PHF19: variants seen among roughly 807,000 people sequenced by gnomAD.
The protein encoded by PHF19 is PHD finger protein 19.
A neutral mutation model predicts 79.8 loss-of-function variants in PHF19; 21 were observed. The observed-to-expected ratio is 0.26, with a 90% CI of 0.19 to 0.38. The LOEUF (loss-of-function observed/expected upper bound fraction) is 0.38, where lower values mean the gene tolerates loss of function less well. Ranked by LOEUF, PHF19 falls within the 10% of genes least tolerant of loss-of-function variation. PHF19 has a pLI of 1.00. For missense variants in PHF19, 445 were observed against 744.2 expected (o/e 0.60, Z 4.68); for synonymous variants, 273 against 296.3 (o/e 0.92, Z 0.81).
chr9:120,886,700 G>A (rs1347133774), intron 1 of PHF19, among the ~76,000 whole-genome samples: 3 of 152,154 alleles, frequency 2.0e-5, no homozygotes, highest in African/African-American at 7.2e-5. Flanking sequence ...TCTGGCAGAG[G>A]CACCACTCTG....
At chr9:120,872,041 A>AAAAAAG (rs1223994552) in intron 3 of PHF19, among the ~76,000 whole-genome samples, 19 of 137,290 alleles carry the variant, frequency 1.4e-4, no homozygotes, top group African/African-American at 3.1e-4. Context: ...CTGTCTCAAA[A>AAAAAAG]AAAAAAAAAA....
intron 8 of PHF19, 97 bp from the exon 9 acceptor site, chr9:120,865,927 G>A (rs535804785): frequency 3.5e-5 from 55 of 1,592,894 alleles, no homozygotes; most frequent in Non-Finnish European, 4.7e-5. Context: ...CAGGGGCAGG[G>A]TTGGGACCCA....
At chr9:120,896,437 CTT>C (rs58824573), upstream of PHF19, among the ~76,000 whole-genome samples, 74,746 of 123,636 alleles carry the variant, frequency 0.6, 22,676 homozygotes, top group South Asian at 0.81. Context: ...TTGTATGGTT[CTT>C]TTTTTTTTTT....
Position 120,857,826 on chromosome 9 carries a change from G to T in PHF19, c.*118C>A. On this transcript the variant is annotated 3_prime_UTR_variant, in exon 15 of 15. Transcript: ENST00000373896. ...GCAGGCAGGCAGGGCATTCTGCCAG[G>T]CACTTGCAGCTCTGTCCTGCTTCCT... is the stretch of plus-strand genomic sequence containing the variant. 1 of 625,464 alleles carries T rather than the reference G, an allele frequency of 1.6e-6. No individual in the cohort carries two copies. Among genetic ancestry groups the T allele is most frequent in the Non-Finnish European group, 2.7e-6 (1 of 365,746 alleles). The allele number at this position is 625,464 out of a possible 1,614,324, so 38.7% of individuals were successfully genotyped here. A position where few individuals can be genotyped will look rare whatever the true frequency, so the allele number is the denominator to read the frequency against.
Position 120,877,162 on chromosome 9 carries a change from G to C in PHF19, c.-87C>G. ...GCGCATCGGTGGCGGAGGCGGCTGC[G>C]CTCGGCCCGCGGCTGCCCGGCCGAG... On this transcript the variant is annotated 5_prime_UTR_variant, in exon 1 of 15. Coordinates refer to ENST00000373896, the MANE Select transcript of PHF19 (RefSeq NM_015651.3). 1.0e-5 allele frequency: 10 copies of C among 984,510 alleles called. No homozygotes were observed. Among genetic ancestry groups the C allele is most frequent in the Non-Finnish European group, 1.1e-5 (9 of 829,590 alleles). The allele number at this position is 984,510 out of a possible 1,614,324, so 61.0% of individuals were successfully genotyped here.
At position 120,869,848 on chromosome 9, in the gene PHF19, C is replaced by T. The variant is rs775802087; in HGVS notation, c.462G>A (p.Val154=). ...CTGGGGAGGATGGAAGGCTCACCCG[C>T]ACAGCCAGTGCGAAGATGCAGCGTC... ...FCRRCIFALA[V]RKGGALKKGA... Residue 154 remains valine (V), a synonymous_variant, in exon 5 of 15, where the codon GTG becomes GTA. Coordinates refer to ENST00000373896, the MANE Select transcript of PHF19 (RefSeq NM_015651.3). The surrounding 1 kb of genome is among the most constrained non-coding windows in gnomAD (Gnocchi z 5.8). 3 of 1,612,538 alleles carry T rather than the reference C, an allele frequency of 1.9e-6. No individual in the cohort carries two copies. The highest frequency in any genetic ancestry group is 2.2e-5 in the East Asian group (1 of 44,836).
the PHF19 span, chr9:120,903,068 T>C: frequency 9.2e-5 from 14 of 152,200 alleles, no homozygotes; most frequent in African/African-American, 3.4e-4. Context: ...CAAGAGGTTA[T>C]TGCTAGGACA....
upstream of PHF19, among the ~76,000 whole-genome samples, chr9:120,896,218 A>G (rs2046399995): frequency 1.3e-5 from 2 of 152,170 alleles, no homozygotes; most frequent in Non-Finnish European, 2.9e-5. Flanking sequence ...TTGATAAATA[A>G]TAACACTAGC....
chr9:120,864,918 T>C (rs2045653555), intron 9 of PHF19, among the ~76,000 whole-genome samples: 1 of 152,084 alleles, frequency 6.6e-6, no homozygotes, highest in East Asian at 1.9e-4. Context: ...TACTTTTTGG[T>C]ACTTTAAAGA....
chr9:120,863,231 A>T (rs1322981565), intron 10 of PHF19, among the ~76,000 whole-genome samples: 1 of 148,790 alleles, frequency 6.7e-6, no homozygotes, highest in Non-Finnish European at 1.5e-5. Flanking sequence ...AGGACTGTCC[A>T]TTGGGAGGGC....
rs1294381033 is a variant in PHF19 at position 120,874,373 on chromosome 9, T to C, written c.186+183A>G. On this transcript the variant is annotated intron_variant, in intron 2 of 14. Coordinates refer to ENST00000373896, the MANE Select transcript of PHF19 (RefSeq NM_015651.3). This position sits in a 1 kb window ranked among gnomAD's most constrained non-coding sequence, Gnocchi z 4.5. ...CTTTTCTAAAGAACTAGTTGGATGA[T>C]GTTGACCCTAGGGATGGTGCCTGCA... Among the ~76,000 whole-genome samples the C allele has an allele frequency of 6.6e-6, 1 of 152,182 alleles. No individual in the cohort carries two copies. Among genetic ancestry groups the C allele is most frequent in the Non-Finnish European group, 1.5e-5 (1 of 68,028 alleles).
chr9:120,861,007 C>G (rs112403277), intron 13 of PHF19, 82 bp downstream of exon 13: 15 of 840,308 alleles, frequency 1.8e-5, no homozygotes, highest in African/African-American at 5.0e-5. Context: ...AGCAGGGATC[C>G]TTTTAACTGA....
intron 1 of PHF19, chr9:120,876,252 G>A (rs1273735949): frequency 1.3e-5 from 2 of 152,350 alleles, no homozygotes; most frequent in African/African-American, 2.4e-5. Context: ...CCCGGGCAGG[G>A]GATGCGGTCT....
At chr9:120,894,397 C>T (rs1323898559) in intron 1 of PHF19, among the ~76,000 whole-genome samples, 1 of 152,142 alleles carries the variant, frequency 6.6e-6, no homozygotes, top group Non-Finnish European at 1.5e-5. Flanking sequence ...CCTCTGTCTG[C>T]GGCGGAGACT....
At chr9:120,876,429 G>T (rs532994206) in intron 1 of PHF19, 13 of 151,982 alleles carry the variant, frequency 8.6e-5, no homozygotes, top group Admixed American at 6.5e-4. Flanking sequence ...CACCCTGGCC[G>T]GGCGGGGGCC....
intron 3 of PHF19, 66 bp downstream of exon 3, chr9:120,873,913 T>C: frequency 1.3e-6 from 1 of 798,946 alleles, no homozygotes; most frequent in Non-Finnish European, 2.2e-6. Context: ...AAGGAAGAAA[T>C]GAAGGCAGCA....
At chr9:120,883,524 T>C (rs1250629987) in intron 1 of PHF19, among the ~76,000 whole-genome samples, 1 of 152,086 alleles carries the variant, frequency 6.6e-6, no homozygotes, top group Non-Finnish European at 1.5e-5. Context: ...TTTGGGAGGC[T>C]GAGGTGGGTG....
intron 1 of PHF19, among the ~76,000 whole-genome samples, chr9:120,875,365 C>T (rs964592637): frequency 2.0e-5 from 3 of 152,202 alleles, no homozygotes; most frequent in African/African-American, 4.8e-5. Flanking sequence ...TATGCTTTCA[C>T]CCAGATACAC....
intron 3 of PHF19, among the ~76,000 whole-genome samples, chr9:120,871,733 G>T (rs1303006801): frequency 2.0e-5 from 3 of 152,238 alleles, no homozygotes; most frequent in East Asian, 3.9e-4. Flanking sequence ...TGAAAATTTT[G>T]TAAGGGTAGA....
Sources: allele counts gnomAD v4.1 joint callset (sites outside exome capture counted in the v4.1 genomes callset), GRCh38; gene constraint gnomAD v4.1.1; non-coding constraint Gnocchi (gnomAD v3.1); transcripts MANE v1.5; gene names NCBI Gene and HGNC (gene_info 2026-07-23, HGNC 2026-07-21).